GNRHR: variants seen among roughly 807,000 people sequenced by gnomAD.
The protein encoded by GNRHR is gonadotropin-releasing hormone receptor.
In GNRHR, 14 loss-of-function variants were observed where a neutral mutation model predicts 28.1. The ratio of observed to expected loss-of-function variants is 0.50; its 90% CI spans 0.33 to 0.78. The LOEUF is 0.78. GNRHR is among the 30% of genes least tolerant of loss of function. GNRHR has a pLI of 0.02. For missense variants in GNRHR, 366 were observed against 382.1 expected (o/e 0.96, Z 0.35); for synonymous variants, 141 against 140.5 (o/e 1.00, Z -0.02).
In GNRHR at chr4:67,737,404, A is replaced by G. The variant is rs886059554; in HGVS notation, c.*3076T>C. Among the ~76,000 whole-genome samples, 5 of 152,048 alleles carry G rather than the reference A, an allele frequency of 3.3e-5. No homozygotes were observed. Among genetic ancestry groups the G allele is most frequent in the Non-Finnish European group, 7.4e-5 (5 of 67,926 alleles). On this transcript the variant is annotated 3_prime_UTR_variant, in exon 3 of 3. Transcript: ENST00000226413. ...TTTTCTTTTAAAATTTCTTTTATTC[A>G]TATGAGCACAATGTATAGTAATTAG...
rs566098441 is a variant in GNRHR, at chr4:67,746,628, A to AT, written c.523-1842dup. On this transcript the variant is annotated intron_variant, in intron 1 of 2. Coordinates refer to ENST00000226413, the MANE Select transcript of GNRHR (RefSeq NM_000406.3). ...TTATTTTAAGCAAATGAGGGATTCC[A>AT]TTTTTTTAAAGTTTTTGATTGAATT... Among the ~76,000 whole-genome samples, 882 of 152,108 alleles carry AT rather than the reference A, an allele frequency of 5.8e-3. 14 individuals carry two copies. Among genetic ancestry groups the AT allele is most frequent in the African/African-American group, 0.02 (836 of 41,524 alleles).
At chr4:67,748,096 G>A (rs956671129) in intron 1 of GNRHR, among the ~76,000 whole-genome samples, 1 of 151,926 alleles carries the variant, frequency 6.6e-6, no homozygotes, top group Non-Finnish European at 1.5e-5. Flanking sequence ...GTTCTTATCA[G>A]TGTTTGCTTT....
intron 2 of GNRHR, among the ~76,000 whole-genome samples, chr4:67,742,239 G>A (rs1731674545): frequency 6.6e-6 from 1 of 152,142 alleles, no homozygotes; most frequent in Non-Finnish European, 1.5e-5. Flanking sequence ...TAGGATGAGA[G>A]ATGAGGATCC....
chr4:67,745,656 C>G (rs1334132144), intron 1 of GNRHR, among the ~76,000 whole-genome samples: 1 of 152,032 alleles, frequency 6.6e-6, no homozygotes, highest in Non-Finnish European at 1.5e-5. Flanking sequence ...CTCAAAGTAT[C>G]AGTCTGCAGG....
At chr4:67,753,788 A>T in intron 1 of GNRHR, 26 bp downstream of exon 1, 1 of 1,585,216 alleles carries the variant, frequency 6.3e-7, no homozygotes, top group Non-Finnish European at 8.7e-7. Flanking sequence ...CACCATATCC[A>T]AATAAGTTTG....
At chr4:67,748,850 C>T (rs1208246655) in intron 1 of GNRHR, among the ~76,000 whole-genome samples, 3 of 150,776 alleles carry the variant, frequency 2.0e-5, no homozygotes, top group African/African-American at 7.3e-5. Context: ...ACTTAGTAAA[C>T]AGTAATTTTG....
At chr4:67,741,723 A>G (rs900334883) in intron 2 of GNRHR, among the ~76,000 whole-genome samples, 1 of 151,884 alleles carries the variant, frequency 6.6e-6, no homozygotes, top group African/African-American at 2.4e-5. Context: ...TTATTTTTTG[A>G]TTTTTTGATT....
At chr4:67,753,554 T>G in intron 1 of GNRHR, 1 of 483,054 alleles carries the variant, frequency 2.1e-6, no homozygotes, top group South Asian at 2.7e-5. Flanking sequence ...GCTACTTTAT[T>G]TATTTATTCA....
rs752963374 is a variant in GNRHR, at chr4:67,737,735, C to T, written c.*2745G>A. Among the ~76,000 whole-genome samples, 3 of 151,788 alleles carry T rather than the reference C, an allele frequency of 2.0e-5. No homozygotes were observed. The highest frequency in any genetic ancestry group is 2.9e-5 in the Non-Finnish European group (2 of 67,826). ...GTCATTAGTTAATGTCACTCCTGTA[C>T]TAAACTGAATTGCTAAAAGAAATTC... On this transcript the variant is annotated 3_prime_UTR_variant, in exon 3 of 3. Transcript: ENST00000226413.
At chr4:67,751,983 G>C (rs984894445) in intron 1 of GNRHR, among the ~76,000 whole-genome samples, 2 of 151,862 alleles carry the variant, frequency 1.3e-5, no homozygotes, top group African/African-American at 4.8e-5. Flanking sequence ...TAATTCCTAG[G>C]CTAAAAAAAT....
intron 1 of GNRHR, among the ~76,000 whole-genome samples, chr4:67,748,001 T>C (rs1184090882): frequency 1.3e-5 from 2 of 152,196 alleles, no homozygotes; most frequent in Non-Finnish European, 2.9e-5. Flanking sequence ...TATGTAGAGA[T>C]CCACTTTGCT....
chr4:67,744,920 G>A (rs1446671607), intron 1 of GNRHR, 133 bp from the exon 2 acceptor site: 3 of 603,920 alleles, frequency 5.0e-6, no homozygotes, highest in East Asian at 5.5e-5. Flanking sequence ...TACTTCTGAC[G>A]TTTCTATGAA....
At chr4:67,752,947 G>C (rs186563574) in intron 1 of GNRHR, among the ~76,000 whole-genome samples, 3 of 152,282 alleles carry the variant, frequency 2.0e-5, no homozygotes, top group African/African-American at 7.2e-5. Flanking sequence ...TTATCATGTA[G>C]TACATTTAAA....
chr4:67,752,548 A>T (rs186032009), intron 1 of GNRHR, among the ~76,000 whole-genome samples: 2 of 152,290 alleles, frequency 1.3e-5, no homozygotes, highest in East Asian at 3.9e-4. Context: ...GGAAAATTTT[A>T]AGAGCATAAG....
chr4:67,748,722 TAATAA>T (rs1311786708), intron 1 of GNRHR, among the ~76,000 whole-genome samples: 1 of 133,646 alleles, frequency 7.5e-6, no homozygotes, highest in African/African-American at 2.7e-5. Flanking sequence ...ATAATAATAA[TAATAA>T]AATAAATAAA....
rs182103304 is a variant in GNRHR at position 67,738,280 on chromosome 4, G to A, written c.*2200C>T. 4.0e-5 allele frequency among the ~76,000 whole-genome samples: 6 copies of A among 151,678 alleles called. No homozygotes were observed. Among genetic ancestry groups the A allele is most frequent in the African/African-American group, 1.4e-4 (6 of 41,446 alleles). ...TTCTTAACCTTTTTTTGTGCTATGA[G>A]CTGCTGTGGCAGTCTGGTCCATCCC... On this transcript the variant is annotated 3_prime_UTR_variant, in exon 3 of 3. Transcript: ENST00000226413.
rs556829512 is a variant in GNRHR at position 67,745,290 on chromosome 4, C to CA, written c.523-504dup. Among the ~76,000 whole-genome samples the CA allele has an allele frequency of 3.0e-3, 440 of 147,396 alleles. 9 individuals carry two copies. Among genetic ancestry groups the CA allele is most frequent in the Admixed American group, 0.023 (337 of 14,780 alleles). ...AATGATGGAATATGTCAAAACAAAA[C>CA]AAAAAAAAACAAACAAAACAACCCA... On this transcript the variant is annotated intron_variant, in intron 1 of 2. Coordinates refer to ENST00000226413, the MANE Select transcript of GNRHR (RefSeq NM_000406.3).
intron 1 of GNRHR, among the ~76,000 whole-genome samples, chr4:67,749,707 TTTCCTTCC>T (rs946894984): frequency 6.9e-6 from 1 of 144,922 alleles, no homozygotes; most frequent in African/African-American, 2.5e-5. Flanking sequence ...TCCTTCCTTC[TTTCCTTCC>T]TTCCTTCCTT....
rs192699722 is a variant in GNRHR at position 67,750,058 on chromosome 4, A to T, written c.522+3756T>A. On this transcript the variant is annotated intron_variant, in intron 1 of 2. Coordinates refer to ENST00000226413, the MANE Select transcript of GNRHR (RefSeq NM_000406.3). Reference sequence around the variant, plus strand: ...AATAAATATTAAATTAGTATTTAAAATTAAGGTGTAAAGTCTTAGATGATT... The same window carrying T: ...AATAAATATTAAATTAGTATTTAAATTTAAGGTGTAAAGTCTTAGATGATT... Among the ~76,000 whole-genome samples, 422 of 152,290 alleles carry T rather than the reference A, an allele frequency of 2.8e-3. 3 individuals are homozygous for T. The highest frequency in any genetic ancestry group is 9.7e-3 in the African/African-American group (402 of 41,578).
Sources: allele counts gnomAD v4.1 joint callset (sites outside exome capture counted in the v4.1 genomes callset), GRCh38; gene constraint gnomAD v4.1.1; transcripts MANE v1.5; gene names NCBI Gene and HGNC (gene_info 2026-07-23, HGNC 2026-07-21).